ARHGEF12: variants seen among roughly 807,000 people sequenced by gnomAD.
The protein encoded by ARHGEF12 is KMT2A/ARHGEF12 fusion protein.
Under a neutral mutation model 211.2 loss-of-function variants are expected in ARHGEF12, and 66 were observed. The observed-to-expected ratio is 0.31, with a 90% CI of 0.26 to 0.38. The LOEUF is 0.38. ARHGEF12 is among the 10% of genes least tolerant of loss of function. ARHGEF12 has a pLI of 1.00. For synonymous variants in ARHGEF12, 592 were observed against 638.4 expected (o/e 0.93, Z 1.09); for missense variants, 1,429 against 1,869.5 (o/e 0.76, Z 4.34).
intron 29 of ARHGEF12, 125 bp downstream of exon 29, chr11:120,467,433 C>CTTTTTTT (rs370225155): frequency 6.6e-6 from 2 of 302,806 alleles, no homozygotes; most frequent in African/African-American, 2.8e-5. Context: ...ACAAGATTTT[C>CTTTTTTT]TTTTTTTTTT....
intron 1 of ARHGEF12, among the ~76,000 whole-genome samples, chr11:120,403,705 A>G (rs955053063): frequency 6.6e-6 from 1 of 152,202 alleles, no homozygotes; most frequent in Non-Finnish European, 1.5e-5. Context: ...CAAGTTATCA[A>G]TATGATATTT....
intron 22 of ARHGEF12, among the ~76,000 whole-genome samples, chr11:120,456,321 T>C (rs556047662): frequency 1.8e-4 from 28 of 152,078 alleles, no homozygotes; most frequent in South Asian, 4.2e-4. Context: ...CAGAAGAGAG[T>C]TGAGATACTA....
chr11:120,481,206 C>T, intron 38 of ARHGEF12, 54 bp from the exon 39 acceptor site: 2 of 1,523,160 alleles, frequency 1.3e-6, no homozygotes, highest in Non-Finnish European at 1.8e-6. Context: ...TATGCTATTT[C>T]TGTTTTCTAA....
intron 1 of ARHGEF12, among the ~76,000 whole-genome samples, chr11:120,381,548 C>T (rs930930989): frequency 2.0e-5 from 3 of 152,124 alleles, no homozygotes; most frequent in African/African-American, 4.8e-5. Context: ...CCTTTTTCAC[C>T]GCCCCTTCAG....
At chr11:120,483,002 TA>T (rs1196662650) in intron 39 of ARHGEF12, among the ~76,000 whole-genome samples, 9 of 152,306 alleles carry the variant, frequency 5.9e-5, no homozygotes, top group African/African-American at 2.2e-4. Context: ...TCGGTTCTTA[TA>T]TACAGTCATG....
intron 1 of ARHGEF12, among the ~76,000 whole-genome samples, chr11:120,371,495 A>G (rs76174351): frequency 1.3e-5 from 2 of 152,132 alleles, no homozygotes; most frequent in Non-Finnish European, 2.9e-5. Flanking sequence ...CTCAAAAAAC[A>G]AAAAACTGTC....
At chr11:120,347,171 C>CTTTTTTT (rs1565417119) in intron 1 of ARHGEF12, among the ~76,000 whole-genome samples, 1 of 56,908 alleles carries the variant, frequency 1.8e-5, no homozygotes, top group Non-Finnish European at 3.9e-5. Flanking sequence ...TTCCTTCCTT[C>CTTTTTTT]CTTCCTTCCT....
chr11:120,451,231 T>C (rs1192319719), intron 21 of ARHGEF12: 2 of 281,914 alleles, frequency 7.1e-6, no homozygotes, highest in South Asian at 5.0e-5. Flanking sequence ...CAGGCTGGAG[T>C]GCAGTGGCGC....
At chr11:120,460,254 C>G (rs1485883004) in intron 26 of ARHGEF12, among the ~76,000 whole-genome samples, 2 of 152,096 alleles carry the variant, frequency 1.3e-5, no homozygotes, top group African/African-American at 4.8e-5. Context: ...TGTGGATAAT[C>G]TTGGGTTTCA....
chr11:120,478,032 T>C, intron 36 of ARHGEF12, 124 bp from the exon 37 acceptor site: 1 of 692,242 alleles, frequency 1.4e-6, no homozygotes, highest in Non-Finnish European at 2.4e-6. Context: ...TGTATTTTTC[T>C]TAACAGATGA....
intron 3 of ARHGEF12, 58 bp downstream of exon 3, chr11:120,407,881 GAGCTTA>G: frequency 1.4e-6 from 2 of 1,449,434 alleles, no homozygotes; most frequent in Non-Finnish European, 1.9e-6. Flanking sequence ...CAGAATAATA[GAGCTTA>G]AGCTACCCGA....
intron 4 of ARHGEF12, chr11:120,409,696 C>T: frequency 2.6e-6 from 1 of 379,196 alleles, no homozygotes; most frequent in Non-Finnish European, 4.8e-6. Flanking sequence ...CCCATCTTCT[C>T]CCGTCTTGTT....
At chr11:120,457,821 A>G (rs962990890) in intron 24 of ARHGEF12, 65 bp downstream of exon 24, 39 of 1,530,930 alleles carry the variant, frequency 2.5e-5, no homozygotes, top group Admixed American at 2.5e-4. Context: ...TTTTTCCTCT[A>G]AAGTTTCATT....
In ARHGEF12 at chr11:120,477,277, A is replaced by G. The variant is rs373986103; in HGVS notation, c.3424A>G (p.Ile1142Val). ...AGTGAAGGAGCAATCCACAAAGCCA[A>G]TTCCATTACCACAGTCAACACCTGG... ...ASVKEQSTKPIPLPQSTPGEG... is the reference protein window; with the variant it reads ...ASVKEQSTKPVPLPQSTPGEG... The change falls in exon 35 of 41, where the codon ATT (isoleucine) becomes GTT (valine). Residue 1142 changes from isoleucine to valine, a missense_variant. By Grantham distance (29) the Ile-to-Val change is conservative. Coordinates refer to ENST00000397843, the MANE Select transcript of ARHGEF12 (RefSeq NM_015313.3). 3 of 1,614,164 alleles carry G rather than the reference A, an allele frequency of 1.9e-6. No individual in the cohort carries two copies. The highest frequency in any genetic ancestry group is 2.2e-5 in the South Asian group (2 of 91,046).
At chr11:120,348,951 A>G (rs1022893357) in intron 1 of ARHGEF12, among the ~76,000 whole-genome samples, 1 of 152,252 alleles carries the variant, frequency 6.6e-6, no homozygotes, top group East Asian at 1.9e-4. Flanking sequence ...ATATCTTACT[A>G]TGTATATGTA....
At chr11:120,437,926 A>G (rs1945744417) in intron 12 of ARHGEF12, among the ~76,000 whole-genome samples, 1 of 152,172 alleles carries the variant, frequency 6.6e-6, no homozygotes, top group East Asian at 1.9e-4. Context: ...TTGAGACCAA[A>G]TAATATTCCA....
At chr11:120,337,940 G>C in intron 1 of ARHGEF12, 1 of 979,326 alleles carries the variant, frequency 1.0e-6, no homozygotes, top group Non-Finnish European at 1.2e-6. Context: ...TGGCGTTTAA[G>C]AGATATAAGC....
intron 1 of ARHGEF12, among the ~76,000 whole-genome samples, chr11:120,342,086 T>C (rs1044878704): frequency 6.6e-6 from 1 of 152,178 alleles, no homozygotes; most frequent in Admixed American, 6.5e-5. Context: ...AGACCCAAGA[T>C]TTTAACCTAG....
intron 4 of ARHGEF12, among the ~76,000 whole-genome samples, chr11:120,413,043 C>T (rs1014773141): frequency 1.3e-5 from 2 of 152,136 alleles, no homozygotes; most frequent in African/African-American, 4.8e-5. Context: ...CTATATTCTG[C>T]CTTGACTTGT....
Sources: gnomAD v4.1 joint callset for allele counts (sites outside exome capture counted in the v4.1 genomes callset) on GRCh38, gnomAD v4.1.1 for gene constraint, MANE v1.5 for transcripts, NCBI Gene and HGNC (gene_info 2026-07-23, HGNC 2026-07-21) for gene names.